ITGAE: variants seen among roughly 807,000 people sequenced by gnomAD.
The protein encoded by ITGAE is integrin subunit alpha E.
Under a neutral mutation model 136.5 loss-of-function variants are expected in ITGAE, and 99 were observed. The observed-to-expected ratio is 0.73, with a 90% CI of 0.62 to 0.86. ITGAE has a LOEUF of 0.86. Among genes scored for constraint, ITGAE ranks in the 40% least tolerant of loss-of-function variants. The pLI is 0.00. For missense variants in ITGAE, 1,447 were observed against 1,515.3 expected (o/e 0.95, Z 0.75); for synonymous variants, 613 against 591.8 (o/e 1.04, Z -0.52).
chr17:3,761,092 T>A lies in ITGAE; in HGVS notation c.519A>T (p.Thr173=), dbSNP rs372284272. 18 of 1,612,658 alleles carry A rather than the reference T, an allele frequency of 1.1e-5. No individual in the cohort carries two copies. The highest frequency in any genetic ancestry group is 1.4e-5 in the Non-Finnish European group (17 of 1,180,018). Residue 173 remains threonine (T), a synonymous_variant, in exon 6 of 31, where the codon ACA becomes ACT. Transcript: ENST00000263087. ...KEGGGEDDVN[T]ARQRRALEKE... is the part of the protein sequence containing the mutation. ...TCTCCAGAGCCCGGCGCTGCCTGGC[T>A]GTGTTCACATCGTCTTCTCCACCGC... is the stretch of plus-strand genomic sequence containing the variant.
At chr17:3,796,636 T>A (rs1312455698) in intron 1 of ITGAE, among the ~76,000 whole-genome samples, 2 of 151,310 alleles carry the variant, frequency 1.3e-5, no homozygotes, top group Non-Finnish European at 2.9e-5. Context: ...CAGACATAGC[T>A]ACACCAGTGT....
chr17:3,740,287 C>T (rs905506148), intron 19 of ITGAE, among the ~76,000 whole-genome samples: 4 of 152,222 alleles, frequency 2.6e-5, no homozygotes, highest in East Asian at 1.9e-4. Context: ...CAGAACAGCC[C>T]GGGCAGGAGT....
chr17:3,796,192 T>TGTGTGTGTGTGTGTGTGTGG (rs1016303323), intron 1 of ITGAE, among the ~76,000 whole-genome samples: 2 of 148,596 alleles, frequency 1.3e-5, no homozygotes, highest in African/African-American at 2.6e-5. Flanking sequence ...TGTGTGTGTG[T>TGTGTGTGTGTGTGTGTGTGG]GGTGGGGTAG....
Position 3,720,380 on chromosome 17 carries a change from A to T in ITGAE, c.3260T>A (p.Leu1087Gln). Residue 1087 changes from leucine to glutamine, a missense_variant, in exon 29 of 31, where the codon CTG (leucine) becomes CAG (glutamine). Physicochemically the swap from Leu to Gln is moderately radical, Grantham distance 113. Around this residue, in one of 3 missense-constraint regions of ITGAE, gnomAD observed 1,031 missense variants for 1,011.4 expected, o/e 1.02. Transcript: ENST00000263087. ...GAAAGATATTTCACCAAGGATCTGCAGTTCAGTTACATCTTTTAGTAACTA... is the reference window on the plus strand; with the variant it reads ...GAAAGATATTTCACCAAGGATCTGCTGTTCAGTTACATCTTTTAGTAACTA... ...SEELLKDVTE[L>Q]QILGEISFNK... is the part of the protein sequence containing the mutation. 1 of 1,558,330 alleles carries T rather than the reference A, an allele frequency of 6.4e-7. No individual in the cohort carries two copies. Among genetic ancestry groups the T allele is most frequent in the Non-Finnish European group, 8.9e-7 (1 of 1,129,236 alleles).
At chr17:3,776,220 G>C (rs1318314758) in intron 2 of ITGAE, among the ~76,000 whole-genome samples, 2 of 151,908 alleles carry the variant, frequency 1.3e-5, no homozygotes, top group Non-Finnish European at 2.9e-5. Flanking sequence ...ACCACGCCCA[G>C]ATAATTTTTG....
chr17:3,750,835 G>C (rs2051847356), intron 15 of ITGAE, among the ~76,000 whole-genome samples: 1 of 152,044 alleles, frequency 6.6e-6, no homozygotes, highest in Admixed American at 6.6e-5. Flanking sequence ...CAAAGGTTCT[G>C]TTGTTTTGAA....
chr17:3,785,476 A>AAAGG (rs145308879), intron 1 of ITGAE, among the ~76,000 whole-genome samples: 17 of 139,666 alleles, frequency 1.2e-4, no homozygotes, highest in Middle Eastern at 3.8e-3. Context: ...AAGAAGAAAG[A>AAAGG]AAGGAAGGAA....
intron 12 of ITGAE, chr17:3,754,722 A>C: frequency 3.9e-6 from 1 of 253,902 alleles, no homozygotes; most frequent in Non-Finnish European, 7.8e-6. Flanking sequence ...CCATCCGGAA[A>C]CCTCAAGTGC....
chr17:3,743,236 T>G (rs1440189056), intron 19 of ITGAE, among the ~76,000 whole-genome samples: 1 of 152,218 alleles, frequency 6.6e-6, no homozygotes, highest in East Asian at 1.9e-4. Context: ...AGCAAGTGCT[T>G]TTGTGAACAT....
intron 26 of ITGAE, chr17:3,726,748 CAG>C (rs1469075053): frequency 6.5e-6 from 1 of 153,128 alleles, no homozygotes; most frequent in African/African-American, 2.5e-5. Flanking sequence ...TTTATTGAGA[CAG>C]AGTCTTGCTC....
intron 18 of ITGAE, among the ~76,000 whole-genome samples, chr17:3,745,465 C>T (rs2051688425): frequency 6.6e-6 from 1 of 152,132 alleles, no homozygotes. Flanking sequence ...CCTCAGCCTC[C>T]CGAGTAGCTG....
chr17:3,765,708 A>G (rs1241225324), intron 2 of ITGAE, among the ~76,000 whole-genome samples: 1 of 151,930 alleles, frequency 6.6e-6, no homozygotes, highest in Non-Finnish European at 1.5e-5. Context: ...ATGAGTAACC[A>G]TCTCCTTCGA....
Position 3,761,104 on chromosome 17 carries a change from G to T in ITGAE, c.507C>A (p.Asp169Glu), listed in dbSNP as rs767830444. The T allele has an allele frequency of 6.2e-6, 10 of 1,612,524 alleles. No homozygotes were observed. Among genetic ancestry groups the T allele is most frequent in the Non-Finnish European group, 7.6e-6 (9 of 1,179,968 alleles). The change falls in exon 6 of 31, where the codon GAC becomes GAA. Residue 169 changes from aspartate (D) to glutamate (E), a missense_variant. By Grantham distance (45) the Asp-to-Glu change is conservative. Transcript: ENST00000263087. ...GGCGCTGCCTGGCTGTGTTCACATC[G>T]TCTTCTCCACCGCCTTCTTTGTTGC... ...CYSNKEGGGE[D>E]DVNTARQRRA...
chr17:3,726,171 C>A, intron 26 of ITGAE: 2 of 1,614,190 alleles, frequency 1.2e-6, no homozygotes, highest in Non-Finnish European at 1.7e-6. Flanking sequence ...GCTCTGGTTA[C>A]ATTACCTGAC....
intron 1 of ITGAE, among the ~76,000 whole-genome samples, chr17:3,786,536 C>G (rs1318500328): frequency 6.6e-6 from 1 of 152,144 alleles, no homozygotes; most frequent in East Asian, 1.9e-4. Context: ...AACCGTCTCT[C>G]TCGAACATAA....
At chr17:3,723,847 G>C in intron 26 of ITGAE, 103 bp from the exon 27 acceptor site, 1 of 1,535,286 alleles carries the variant, frequency 6.5e-7, no homozygotes, top group Non-Finnish European at 8.8e-7. Context: ...CGCAGGGCCG[G>C]GAGCTAGGAC....
At chr17:3,717,030 G>C (rs1427297036) in intron 29 of ITGAE, 7 of 438,670 alleles carry the variant, frequency 1.6e-5, no homozygotes, top group African/African-American at 1.2e-4. Context: ...CCCTTATCTA[G>C]AAGGGCTAGG....
In ITGAE at chr17:3,797,605, T is replaced by C. The variant is rs548886100; in HGVS notation, c.34+3506A>G. On this transcript the variant is annotated intron_variant, in intron 1 of 30. Coordinates refer to ENST00000263087, the MANE Select transcript of ITGAE (RefSeq NM_002208.5). Reference sequence around the variant, plus strand: ...CCTCCCAAGTAGCTGGAATTACAGGTGCGCACCACCATGCCTGGCTCATTT... The same window carrying C: ...CCTCCCAAGTAGCTGGAATTACAGGCGCGCACCACCATGCCTGGCTCATTT... Among the ~76,000 whole-genome samples the C allele has an allele frequency of 1.4e-4, 22 of 151,838 alleles. No individual in the cohort carries two copies. The East Asian group carries it at 4.1e-3, about 28-fold the overall frequency.
chr17:3,716,823 A>T (rs777492867), intron 29 of ITGAE, 25 bp from the exon 30 acceptor site: 1 of 1,315,732 alleles, frequency 7.6e-7, no homozygotes, highest in Non-Finnish European at 1.1e-6. Context: ...GAGATCGCCC[A>T]ATAAATCAGG....
Sources: allele counts gnomAD v4.1 joint callset (sites outside exome capture counted in the v4.1 genomes callset), GRCh38; gene constraint gnomAD v4.1.1; regional missense constraint gnomAD v4.1.1; transcripts MANE v1.5; gene names NCBI Gene and HGNC (gene_info 2026-07-23, HGNC 2026-07-21).